The following LIMCH1 variants were observed in gnomAD, a reference collection of about 807,000 sequenced individuals.
The protein encoded by LIMCH1 is LIM and calponin homology domains-containing protein 1.
Under a neutral mutation model 176.5 loss-of-function variants are expected in LIMCH1, and 113 were observed. That is an observed-to-expected ratio of 0.64 (90% CI 0.55 to 0.75). LIMCH1 has a LOEUF of 0.75. Ranked by LOEUF, LIMCH1 falls within the 30% of genes least tolerant of loss-of-function variation. The pLI is 0.00. For synonymous variants in LIMCH1, 619 were observed against 645.9 expected, an observed-to-expected ratio of 0.96 and a Z score of 0.63; for missense variants, 1,674 against 1,814.9, an observed-to-expected ratio of 0.92 and a Z score of 1.41.
intron 1 of LIMCH1, among the ~76,000 whole-genome samples, chr4:41,548,933 T>C (rs569289555): frequency 6.5e-4 from 99 of 152,270 alleles, no homozygotes; most frequent in African/African-American, 2.3e-3. Context: ...GCAGGGTAGT[T>C]TCTGTTGCTT....
intron 8 of LIMCH1, among the ~76,000 whole-genome samples, chr4:41,628,899 C>G (rs2093149667): frequency 6.6e-6 from 1 of 152,174 alleles, no homozygotes; most frequent in African/African-American, 2.4e-5. Context: ...ATTAGCCAAA[C>G]CTGACTAATG....
chr4:41,626,677 T>G, intron 7 of LIMCH1, 31 bp from the exon 8 acceptor site: 10 of 1,519,700 alleles, frequency 6.6e-6, no homozygotes, highest in Non-Finnish European at 8.8e-6. Context: ...TCTGATCACA[T>G]GTGGAGTCCC....
intron 1 of LIMCH1, among the ~76,000 whole-genome samples, chr4:41,377,555 A>T (rs554521771): frequency 3.9e-5 from 6 of 152,274 alleles, no homozygotes; most frequent in Admixed American, 1.3e-4. Context: ...CTCCCTGGGT[A>T]TTGGAATGTT....
intron 7 of LIMCH1, among the ~76,000 whole-genome samples, chr4:41,624,337 A>G (rs192429416): frequency 3.6e-4 from 55 of 152,242 alleles, no homozygotes; most frequent in African/African-American, 1.3e-3. Context: ...CCGAGGAACA[A>G]TAGACATTTT....
chr4:41,556,080 T>C (rs1261379063), intron 1 of LIMCH1, among the ~76,000 whole-genome samples: 2 of 151,882 alleles, frequency 1.3e-5, no homozygotes, highest in African/African-American at 2.4e-5. Flanking sequence ...AGAGTCCTCA[T>C]TGAAAGGTAG....
At chr4:41,447,681 G>A (rs777989823) in intron 1 of LIMCH1, among the ~76,000 whole-genome samples, 22 of 152,264 alleles carry the variant, frequency 1.4e-4, no homozygotes, top group Non-Finnish European at 2.9e-4. Context: ...CGAGAATATC[G>A]AGACAAATGT....
intron 1 of LIMCH1, among the ~76,000 whole-genome samples, chr4:41,429,275 AT>A (rs1002726470): frequency 6.6e-6 from 1 of 151,670 alleles, no homozygotes. Context: ...ACAAAGCAGC[AT>A]TTTTTTTCTT....
At chr4:41,507,864 A>AG (rs1278262402) in intron 2 of LIMCH1, among the ~76,000 whole-genome samples, 1 of 77,034 alleles carries the variant, frequency 1.3e-5, no homozygotes, top group Non-Finnish European at 2.6e-5. Context: ...TGGTGGTGGG[A>AG]GGGGGGCGGG....
intron 1 of LIMCH1, among the ~76,000 whole-genome samples, chr4:41,433,787 C>T (rs1481268831): frequency 1.3e-5 from 2 of 152,026 alleles, no homozygotes; most frequent in African/African-American, 4.8e-5. Flanking sequence ...CAAAGGAAGC[C>T]CTAGAGTCAG....
At chr4:41,369,549 C>G (rs1389306124) in intron 1 of LIMCH1, among the ~76,000 whole-genome samples, 1 of 152,308 alleles carries the variant, frequency 6.6e-6, no homozygotes, top group South Asian at 2.1e-4. Context: ...AGAGCTTAAA[C>G]CCGACTGCCT....
At chr4:41,539,547 A>T (rs1248836754) in intron 1 of LIMCH1, among the ~76,000 whole-genome samples, 1 of 152,208 alleles carries the variant, frequency 6.6e-6, no homozygotes, top group Non-Finnish European at 1.5e-5. Context: ...GGGCAAGAAT[A>T]AGCCACCCTC....
intron 1 of LIMCH1, among the ~76,000 whole-genome samples, chr4:41,364,058 A>G (rs983605679): frequency 6.6e-6 from 1 of 152,184 alleles, no homozygotes; most frequent in African/African-American, 2.4e-5. Flanking sequence ...ACCCTGAGCA[A>G]GCTACTTTTC....
At chr4:41,584,709 C>T (rs752406061) in intron 1 of LIMCH1, among the ~76,000 whole-genome samples, 6 of 151,958 alleles carry the variant, frequency 3.9e-5, no homozygotes, top group Non-Finnish European at 8.8e-5. Flanking sequence ...ATTTTTATAC[C>T]TAACAAAATT....
intron 1 of LIMCH1, among the ~76,000 whole-genome samples, chr4:41,412,274 A>G (rs1310932689): frequency 6.6e-6 from 1 of 152,164 alleles, no homozygotes; most frequent in Non-Finnish European, 1.5e-5. Flanking sequence ...ATAGTGTCTG[A>G]AAAAAGTGTC....
chr4:41,404,706 G>C (rs918742294), intron 1 of LIMCH1, among the ~76,000 whole-genome samples: 1 of 152,136 alleles, frequency 6.6e-6, no homozygotes, highest in African/African-American at 2.4e-5. Context: ...TTGAACCTGG[G>C]AGGCAAAGGT....
At chr4:41,671,884 CAAAAAAAAAA>C (rs34994833) in intron 22 of LIMCH1, among the ~76,000 whole-genome samples, 2 of 52,378 alleles carry the variant, frequency 3.8e-5, no homozygotes, top group African/African-American at 7.8e-5. Context: ...GACTTCGTCT[CAAAAAAAAAA>C]AAAAAAAAAA....
chr4:41,431,881 T>A (rs1450045995), intron 1 of LIMCH1, among the ~76,000 whole-genome samples: 4 of 152,190 alleles, frequency 2.6e-5, no homozygotes, highest in Admixed American at 6.5e-5. Context: ...AAACAAAAAC[T>A]TTGATAATTT....
At chr4:41,526,533 CT>C (rs1367892436) in intron 3 of LIMCH1, among the ~76,000 whole-genome samples, 2 of 152,054 alleles carry the variant, frequency 1.3e-5, no homozygotes, top group Non-Finnish European at 2.9e-5. Flanking sequence ...CCGCAACCCC[CT>C]GTTATGTTCA....
intron 3 of LIMCH1, among the ~76,000 whole-genome samples, chr4:41,532,280 C>T (rs2152443050): frequency 6.6e-6 from 1 of 152,294 alleles, no homozygotes; most frequent in Middle Eastern, 3.4e-3. Context: ...GTTGATATGG[C>T]TTGTGTGCTG....
Sources: gnomAD v4.1 joint callset for allele counts (sites outside exome capture counted in the v4.1 genomes callset) on GRCh38, gnomAD v4.1.1 for gene constraint, MANE v1.5 for transcripts, NCBI Gene and HGNC (gene_info 2026-07-23, HGNC 2026-07-21) for gene names.